The following ADCY1 variants were observed in gnomAD, a reference collection of about 807,000 sequenced individuals.
ADCY1 encodes adenylate cyclase type 1.
A neutral mutation model predicts 105.4 loss-of-function variants in ADCY1; 28 were observed. That is an observed-to-expected ratio of 0.27 (90% confidence interval 0.20 to 0.36). The LOEUF (loss-of-function observed/expected upper bound fraction) is 0.36, where lower values mean the gene tolerates loss of function less well. ADCY1 is among the 10% of genes least tolerant of loss of function. The pLI, the probability that ADCY1 is intolerant of heterozygous loss-of-function variation, is 1.00. For missense variants in ADCY1, 977 were observed against 1,434.2 expected (o/e 0.68, Z 5.15); for synonymous variants, 655 against 623.8 (o/e 1.05, Z -0.75).
chr7:45,612,424 A>G (rs1455309636), intron 3 of ADCY1, among the ~76,000 whole-genome samples: 2 of 152,170 alleles, frequency 1.3e-5, no homozygotes, highest in Admixed American at 6.5e-5. Flanking sequence ...ATTAGCTGAC[A>G]CTAATATCTG....
chr7:45,677,020 A>G (rs1331723550), intron 8 of ADCY1, among the ~76,000 whole-genome samples: 2 of 151,316 alleles, frequency 1.3e-5, no homozygotes, highest in Admixed American at 1.3e-4. Flanking sequence ...TCTTGTTTCT[A>G]GTCTGGGATA....
intron 11 of ADCY1, 148 bp from the exon 12 acceptor site, chr7:45,684,831 C>A (rs1784634098): frequency 1.6e-6 from 1 of 614,390 alleles, no homozygotes; most frequent in Non-Finnish European, 2.8e-6. Context: ...ATGAAAAAAG[C>A]CAAGAGACAT....
rs530607938 is a variant in ADCY1 at position 45,627,368 on chromosome 7, G to A, written c.1020+4625G>A. On this transcript the variant is annotated intron_variant, in intron 4 of 19. Coordinates refer to ENST00000297323, the MANE Select transcript of ADCY1 (RefSeq NM_021116.4). ...ACCTTTCACCAGCCTTCTGTGGAACGGGTGCATCCTGTCCAGCTAACCCTA... is the reference window on the plus strand; with the variant it reads ...ACCTTTCACCAGCCTTCTGTGGAACAGGTGCATCCTGTCCAGCTAACCCTA... Among the ~76,000 whole-genome samples the A allele has an allele frequency of 9.4e-4, 143 of 152,314 alleles. 2 individuals carry two copies. In the South Asian group the frequency reaches 0.016, roughly 17 times the overall value.
At chr7:45,586,528 C>A (rs913135477) in intron 1 of ADCY1, among the ~76,000 whole-genome samples, 1 of 152,200 alleles carries the variant, frequency 6.6e-6, no homozygotes, top group African/African-American at 2.4e-5. Flanking sequence ...ATTCTGCCGG[C>A]CCTGTTTCAA....
Position 45,574,590 on chromosome 7 carries a change from G to A in ADCY1, c.47G>A (p.Gly16Asp), listed in dbSNP as rs1171252544. Residue 16 changes from glycine to aspartate, a missense_variant, in exon 1 of 20, where the codon GGC becomes GAC. Gly to Asp is a moderately conservative substitution (Grantham distance 94). This residue lies in a region of ADCY1 where 209 missense variants were observed against 222.5 expected (regional missense o/e 0.94). Coordinates refer to ENST00000297323, the MANE Select transcript of ADCY1 (RefSeq NM_021116.4). This position sits in a 1 kb window ranked among gnomAD's most constrained non-coding sequence, Gnocchi z 7.0. ...GGAGGCGGCGGCGGAGGCGGCGCGGGCGAGCCCGGGGGCGCCGAGCGGGCG... is the reference window on the plus strand; with the variant it reads ...GGAGGCGGCGGCGGAGGCGGCGCGGACGAGCCCGGGGGCGCCGAGCGGGCG... ...RGGGGGGGGA[G>D]EPGGAERAAG... 2 of 1,054,804 alleles carry A rather than the reference G, an allele frequency of 1.9e-6. No individual in the cohort carries two copies. Among genetic ancestry groups the A allele is most frequent in the Non-Finnish European group, 2.3e-6 (2 of 876,768 alleles). The allele number at this position is 1,054,804 out of a possible 1,614,324, so 65.3% of individuals were successfully genotyped here. A position where few individuals can be genotyped will look rare whatever the true frequency, so the allele number is the denominator to read the frequency against.
intron 4 of ADCY1, among the ~76,000 whole-genome samples, chr7:45,646,992 C>G (rs1794680624): frequency 6.6e-6 from 1 of 152,248 alleles, no homozygotes; most frequent in African/African-American, 2.4e-5. Flanking sequence ...CACCTCCTCC[C>G]CTTTTCTCCC....
chr7:45,625,020 T>C (rs1794010571), intron 4 of ADCY1, among the ~76,000 whole-genome samples: 1 of 152,184 alleles, frequency 6.6e-6, no homozygotes, highest in Admixed American at 6.5e-5. Context: ...TGAGGCACCT[T>C]ATTTCAGCCC....
intron 4 of ADCY1, among the ~76,000 whole-genome samples, chr7:45,632,527 A>T (rs967170178): frequency 8.2e-6 from 1 of 122,252 alleles, no homozygotes; most frequent in Non-Finnish European, 1.9e-5. Flanking sequence ...AAAATTCTAT[A>T]CATTTCTCAG....
Position 45,708,550 on chromosome 7 carries a change from C to T in ADCY1, c.2932+86C>T, listed in dbSNP as rs1426273403. 1.9e-6 allele frequency: 2 copies of T among 1,047,066 alleles called. No individual in the cohort carries two copies. Among genetic ancestry groups the T allele is most frequent in the Non-Finnish European group, 2.9e-6 (2 of 686,712 alleles). 64.9% of individuals were successfully genotyped at this position (1,047,066 alleles called of 1,614,324 possible). A position where few individuals can be genotyped will look rare whatever the true frequency, so the allele number is the denominator to read the frequency against. Reference sequence around the variant, plus strand: ...GGGTGGGATCAGCTGATGAGGTACCCTGGTCTTACAGGAAGGAGGGTGGTG... The same window carrying T: ...GGGTGGGATCAGCTGATGAGGTACCTTGGTCTTACAGGAAGGAGGGTGGTG... On this transcript the variant is annotated intron_variant, in intron 18 of 19. Transcript: ENST00000297323. The surrounding 1 kb of genome is among the most constrained non-coding windows in gnomAD (Gnocchi z 4.7).
chr7:45,685,759 G>A (rs1473826882), intron 12 of ADCY1, among the ~76,000 whole-genome samples: 2 of 152,220 alleles, frequency 1.3e-5, no homozygotes, highest in Non-Finnish European at 2.9e-5. Flanking sequence ...CCTCCCTGGA[G>A]CCTCTTGCCT....
At chr7:45,580,764 A>G (rs773925007) in intron 1 of ADCY1, among the ~76,000 whole-genome samples, 1 of 152,182 alleles carries the variant, frequency 6.6e-6, no homozygotes, top group African/African-American at 2.4e-5. Context: ...TCCCAAGAGC[A>G]GTGCTGAGTG....
intron 17 of ADCY1, among the ~76,000 whole-genome samples, chr7:45,705,703 C>G (rs999469002): frequency 1.3e-5 from 2 of 152,110 alleles, no homozygotes; most frequent in African/African-American, 4.8e-5. Flanking sequence ...CAACATTTTA[C>G]TGGAAGGCAG....
At chr7:45,693,940 G>A (rs374445470) in intron 14 of ADCY1, among the ~76,000 whole-genome samples, 2,410 of 109,546 alleles carry the variant, frequency 0.022, 67 homozygotes, top group Non-Finnish European at 0.032. Flanking sequence ...ACAGGAAGGG[G>A]AATATCACAC....
At position 45,574,501 on chromosome 7, in the gene ADCY1, G is replaced by A; in HGVS notation, c.-43G>A. On this transcript the variant is annotated 5_prime_UTR_variant, in exon 1 of 20. Transcript: ENST00000297323. The surrounding 1 kb of genome is among the most constrained non-coding windows in gnomAD (Gnocchi z 7.0). ...GCCCGCGCCCCGGCGCCCCGGGCCG[G>A]CGAGGGGCGCGCCCGCGGCCGCGGC... 2 of 955,656 alleles carry A rather than the reference G, an allele frequency of 2.1e-6. No homozygotes were observed. Among genetic ancestry groups the A allele is most frequent in the Non-Finnish European group, 2.5e-6 (2 of 807,368 alleles). 59.2% of individuals were successfully genotyped at this position (955,656 alleles called of 1,614,324 possible).
intron 11 of ADCY1, 42 bp from the exon 12 acceptor site, chr7:45,684,937 G>C: frequency 6.4e-7 from 1 of 1,552,696 alleles, no homozygotes; most frequent in Non-Finnish European, 8.9e-7. Context: ...GAATCACCTT[G>C]GTAATCAGAG....
At chr7:45,665,088 T>G (rs904423485) in intron 8 of ADCY1, among the ~76,000 whole-genome samples, 1 of 152,344 alleles carries the variant, frequency 6.6e-6, no homozygotes, top group South Asian at 2.1e-4. Flanking sequence ...GCTTCATCCA[T>G]GTCCCTGCAA....
Position 45,686,053 on chromosome 7 carries a change from T to C in ADCY1, c.2165T>C (p.Leu722Pro). Residue 722 changes from leucine (L) to proline (P), a missense_variant, in exon 13 of 20, where the codon CTG (leucine) becomes CCG (proline). By Grantham distance (98) the Leu-to-Pro change is moderately conservative. Coordinates refer to ENST00000297323, the MANE Select transcript of ADCY1 (RefSeq NM_021116.4). This position sits in a 1 kb window ranked among gnomAD's most constrained non-coding sequence, Gnocchi z 4.3. The part of the protein sequence containing the change: ...SGGQRTALPT[L>P]PCESTHHALL... ...GGCCAGCGCACAGCCCTGCCCACCC[T>C]GCCCTGCGAGTCTACACACCATGCC... 1 of 1,600,732 alleles carries C rather than the reference T, an allele frequency of 6.2e-7. No individual in the cohort carries two copies. Among genetic ancestry groups the C allele is most frequent in the Non-Finnish European group, 8.5e-7 (1 of 1,172,758 alleles).
intron 4 of ADCY1, among the ~76,000 whole-genome samples, chr7:45,629,451 C>T (rs1794165171): frequency 1.3e-5 from 2 of 151,316 alleles, no homozygotes; most frequent in Admixed American, 1.3e-4. Context: ...GTATTCAGTT[C>T]TCTTGGGTAA....
Position 45,649,180 on chromosome 7 carries a change from T to C in ADCY1, c.1148+383T>C, listed in dbSNP as rs550763140. 8.1e-4 allele frequency among the ~76,000 whole-genome samples: 123 copies of C among 152,358 alleles called. 1 individual carries two copies. The highest frequency in any genetic ancestry group is 1.5e-3 in the Non-Finnish European group (101 of 68,032). ...TATTAAAAGGAAGTAAATATGTGTGTTTCTCTTCACTCAGCAAGGTAACTG... is the reference window on the plus strand; with the variant it reads ...TATTAAAAGGAAGTAAATATGTGTGCTTCTCTTCACTCAGCAAGGTAACTG... On this transcript the variant is annotated intron_variant, in intron 5 of 19. Coordinates refer to ENST00000297323, the MANE Select transcript of ADCY1 (RefSeq NM_021116.4).
Sources: allele counts gnomAD v4.1 joint callset (sites outside exome capture counted in the v4.1 genomes callset), GRCh38; gene constraint gnomAD v4.1.1; regional missense constraint gnomAD v4.1.1; non-coding constraint Gnocchi (gnomAD v3.1); transcripts MANE v1.5; gene names NCBI Gene and HGNC (gene_info 2026-07-23, HGNC 2026-07-21).